The following NDFIP1 variants were observed in gnomAD, a reference collection of about 807,000 sequenced individuals.
NDFIP1 encodes Nedd4 family interacting protein 1.
A neutral mutation model predicts 28.8 loss-of-function variants in NDFIP1; 7 were observed. The ratio of observed to expected loss-of-function variants is 0.24; its 90% confidence interval spans 0.14 to 0.46. NDFIP1 has a LOEUF of 0.46. Ranked by LOEUF, NDFIP1 falls within the 20% of genes least tolerant of loss-of-function variation. The pLI is 0.99. For synonymous variants in NDFIP1, 92 were observed against 101.0 expected, an observed-to-expected ratio of 0.91 and a Z score of 0.53; for missense variants, 194 against 269.1, an observed-to-expected ratio of 0.72 and a Z score of 1.95.
intron 1 of NDFIP1, among the ~76,000 whole-genome samples, chr5:142,120,767 C>G (rs928804221): frequency 2.6e-5 from 4 of 152,288 alleles, no homozygotes; most frequent in Admixed American, 6.5e-5. Context: ...GTTAAATTAA[C>G]CTAGCAGTTG....
Position 142,132,336 on chromosome 5 carries a change from T to C in NDFIP1, c.276T>C (p.Pro92=). The change falls in exon 3 of 8, where the codon CCT becomes CCC. Residue 92 remains proline (P), a synonymous_variant. Coordinates refer to ENST00000253814, the MANE Select transcript of NDFIP1 (RefSeq NM_030571.4). ...CTGAAGCTACTATCCCTTTGGTTCCTGGGAGAGTGAGTATAATTTGCCATG... is the reference window on the plus strand; with the variant it reads ...CTGAAGCTACTATCCCTTTGGTTCCCGGGAGAGTGAGTATAATTTGCCATG... ...TKAEATIPLV[P]GRDEDFVGRD... 1 of 1,611,204 alleles carries C rather than the reference T, an allele frequency of 6.2e-7. No individual in the cohort carries two copies. The highest frequency in any genetic ancestry group is 2.2e-5 in the East Asian group (1 of 44,860).
chr5:142,114,342 T>C (rs1757044572), intron 1 of NDFIP1, among the ~76,000 whole-genome samples: 1 of 152,226 alleles, frequency 6.6e-6, no homozygotes, highest in African/African-American at 2.4e-5. Context: ...TTTCATGTGC[T>C]TATTGGCCAT....
chr5:142,142,952 T>A (rs1270513173), intron 6 of NDFIP1: 14 of 129,886 alleles, frequency 1.1e-4, no homozygotes, highest in African/African-American at 2.5e-4. Flanking sequence ...TATATATATA[T>A]ATATATATAT....
At chr5:142,131,637 A>G (rs975197765) in intron 1 of NDFIP1, among the ~76,000 whole-genome samples, 171 bp from the exon 2 acceptor site, 2 of 152,174 alleles carry the variant, frequency 1.3e-5, no homozygotes, top group Non-Finnish European at 2.9e-5. Context: ...GAATATTTCC[A>G]TAGAATAACT....
At chr5:142,141,168 CTTTTTTTTTTTTTTT>C (rs1161113130) in intron 6 of NDFIP1, among the ~76,000 whole-genome samples, 9 of 59,940 alleles carry the variant, frequency 1.5e-4, no homozygotes, top group Admixed American at 5.1e-4. Flanking sequence ...GGCAAGAGGA[CTTTTTTTTTTTTTTT>C]TTTTTTTTTT....
intron 6 of NDFIP1, chr5:142,142,940 A>AATATATATATATATAT (rs1554092157): frequency 1.5e-3 from 59 of 38,086 alleles, no homozygotes; most frequent in Non-Finnish European, 1.8e-3. Flanking sequence ...AAAAAAAAAA[A>AATATATATATATATAT]ATATATATAT....
chr5:142,139,013 C>T (rs1321993763), intron 5 of NDFIP1, among the ~76,000 whole-genome samples: 2 of 151,136 alleles, frequency 1.3e-5, no homozygotes, highest in African/African-American at 2.4e-5. Context: ...GTCAGGAGAT[C>T]GAGACCATCC....
chr5:142,144,376 T>C (rs995353363), intron 6 of NDFIP1, 195 bp from the exon 7 acceptor site: 1 of 504,330 alleles, frequency 2.0e-6, no homozygotes, highest in African/African-American at 1.9e-5. Context: ...CTATTGACTC[T>C]TACATTATAC....
At chr5:142,117,860 T>C (rs1757085747) in intron 1 of NDFIP1, among the ~76,000 whole-genome samples, 1 of 152,028 alleles carries the variant, frequency 6.6e-6, no homozygotes, top group Admixed American at 6.6e-5. Context: ...TAAATGTTTT[T>C]TAAATAAATC....
chr5:142,148,042 G>A (rs1251226130), intron 7 of NDFIP1, among the ~76,000 whole-genome samples: 1 of 152,154 alleles, frequency 6.6e-6, no homozygotes, highest in African/African-American at 2.4e-5. Context: ...AAAGACACAG[G>A]TAGGGAATTT....
chr5:142,128,418 T>C (rs1757192062), intron 1 of NDFIP1, among the ~76,000 whole-genome samples: 1 of 152,166 alleles, frequency 6.6e-6, no homozygotes. Flanking sequence ...TATAGCACAC[T>C]CTAGTTCTAG....
chr5:142,133,552 C>T (rs1180941965), intron 3 of NDFIP1, among the ~76,000 whole-genome samples: 1 of 152,090 alleles, frequency 6.6e-6, no homozygotes, highest in Non-Finnish European at 1.5e-5. Flanking sequence ...TTCTAGAATC[C>T]AAAGTCCTTG....
rs189724609 is a variant in NDFIP1 at position 142,149,156 on chromosome 5, A to G, written c.*3-2575A>G. On this transcript the variant is annotated intron_variant, in intron 7 of 7. Transcript: ENST00000253814. Reference sequence around the variant, plus strand: ...AAAAGTGACCTAGTGAGCTGTACCTATTAGGCATCAAATATTTTAATTTTT... The same window carrying G: ...AAAAGTGACCTAGTGAGCTGTACCTGTTAGGCATCAAATATTTTAATTTTT... Among the ~76,000 whole-genome samples, 6 of 152,322 alleles carry G rather than the reference A, an allele frequency of 3.9e-5. No individual in the cohort carries two copies. The East Asian group carries it at 7.7e-4, about 20-fold the overall frequency.
Position 142,140,689 on chromosome 5 carries a change from A to G in NDFIP1, c.562+60A>G. 2.2e-6 allele frequency: 3 copies of G among 1,334,938 alleles called. No individual in the cohort carries two copies. In the South Asian group the frequency reaches 3.8e-5, roughly 17 times the overall value. 82.7% of individuals were successfully genotyped at this position (1,334,938 alleles called of 1,614,324 possible). On this transcript the variant is annotated intron_variant, in intron 6 of 7. Coordinates refer to ENST00000253814, the MANE Select transcript of NDFIP1 (RefSeq NM_030571.4). ...CATTACATTAAATTTTATAAGTAAAATTACTTGTAGTAAATGTTCATCTTG... is the reference window on the plus strand; with the variant it reads ...CATTACATTAAATTTTATAAGTAAAGTTACTTGTAGTAAATGTTCATCTTG...
At chr5:142,134,283 A>G (rs923170820) in intron 3 of NDFIP1, among the ~76,000 whole-genome samples, 6 of 152,222 alleles carry the variant, frequency 3.9e-5, no homozygotes, top group African/African-American at 1.4e-4. Flanking sequence ...AAGAACAGTT[A>G]GAAGGTGTTC....
intron 7 of NDFIP1, among the ~76,000 whole-genome samples, chr5:142,149,245 C>G (rs1757421575): frequency 6.6e-6 from 1 of 151,958 alleles, no homozygotes; most frequent in East Asian, 1.9e-4. Context: ...TTCCTTAATA[C>G]TTCTTTTATT....
rs1036035352 is a variant in NDFIP1, at chr5:142,116,657, A to G, written c.63+7620A>G. ...ATTACAGGTGTGAGCCACCATGCCC[A>G]GGCTACCTTCATATGTATTTTTCTT... On this transcript the variant is annotated intron_variant, in intron 1 of 7. Coordinates refer to ENST00000253814, the MANE Select transcript of NDFIP1 (RefSeq NM_030571.4). Among the ~76,000 whole-genome samples, 13 of 151,528 alleles carry G rather than the reference A, an allele frequency of 8.6e-5. 1 individual carries two copies. Among genetic ancestry groups the G allele is most frequent in the African/African-American group, 3.2e-4 (13 of 41,216 alleles).
chr5:142,149,992 T>C (rs947401366), intron 7 of NDFIP1, among the ~76,000 whole-genome samples: 6 of 152,020 alleles, frequency 3.9e-5, no homozygotes, highest in Admixed American at 3.9e-4. Context: ...CCATCCTGGC[T>C]AACACAGTGA....
At chr5:142,148,892 C>T (rs1011779962) in intron 7 of NDFIP1, among the ~76,000 whole-genome samples, 2 of 150,048 alleles carry the variant, frequency 1.3e-5, no homozygotes, top group Admixed American at 6.7e-5. Flanking sequence ...CTGGAAAATA[C>T]ATTTTTATGG....
Sources: gnomAD v4.1 joint callset for allele counts (sites outside exome capture counted in the v4.1 genomes callset) on GRCh38, gnomAD v4.1.1 for gene constraint, MANE v1.5 for transcripts, NCBI Gene and HGNC (gene_info 2026-07-23, HGNC 2026-07-21) for gene names.